The following POU2F2 variants were observed in gnomAD, a reference collection of about 807,000 sequenced individuals.
The protein encoded by POU2F2 is POU domain, class 2, transcription factor 2.
POU2F2 carries 14 observed loss-of-function variants against 63.5 expected under a neutral mutation model. That is an observed-to-expected ratio of 0.22 (90% CI 0.15 to 0.34). The LOEUF (loss-of-function observed/expected upper bound fraction) is 0.34. Ranked by LOEUF, POU2F2 falls within the 10% of genes least tolerant of loss-of-function variation. The pLI is 1.00. For synonymous variants in POU2F2, 306 were observed against 348.6 expected, an observed-to-expected ratio of 0.88 and a Z score of 1.36; for missense variants, 607 against 815.2, an observed-to-expected ratio of 0.74 and a Z score of 3.11.
At chr19:42,129,021 C>T (rs1600152671) in intron 1 of POU2F2, among the ~76,000 whole-genome samples, 1 of 151,962 alleles carries the variant, frequency 6.6e-6, no homozygotes, top group African/African-American at 2.4e-5. Context: ...TTATTAGAGA[C>T]GGGGTTTCAC....
At position 42,094,193 on chromosome 19, in the gene POU2F2, C is replaced by T. The variant is rs992562539; in HGVS notation, c.1198-298G>A. On this transcript the variant is annotated intron_variant, in intron 11 of 14. Coordinates refer to ENST00000692977, the MANE Select transcript of POU2F2 (RefSeq NM_001394376.1). Reference sequence around the variant, plus strand: ...AGTGACTGCACCGGAAGAGTGGCTGCTCCACATGCTCCTGATATTGTTGGT... The same window carrying T: ...AGTGACTGCACCGGAAGAGTGGCTGTTCCACATGCTCCTGATATTGTTGGT... Among the ~76,000 whole-genome samples the T allele has an allele frequency of 6.6e-5, 10 of 152,324 alleles. No individual in the cohort carries two copies. The East Asian group carries it at 1.3e-3, about 21-fold the overall frequency.
Position 42,117,329 on chromosome 19 carries a change from G to C in POU2F2, c.290C>G (p.Ala97Gly). 1 of 1,527,752 alleles carries C rather than the reference G, an allele frequency of 6.5e-7. No individual in the cohort carries two copies. The highest frequency in any genetic ancestry group is 8.7e-7 in the Non-Finnish European group (1 of 1,149,580). The allele number at this position is 1,527,752 out of a possible 1,614,324, so 94.6% of individuals were successfully genotyped here. A position where few individuals can be genotyped will look rare whatever the true frequency, so the allele number is the denominator to read the frequency against. The change falls in exon 5 of 15, where the codon GCA becomes GGA. Residue 97 changes from alanine (A) to glycine (G), a missense_variant. Physicochemically the swap from Ala to Gly is moderately conservative, Grantham distance 60 (BLOSUM62 0). This residue lies in a region of POU2F2 where 224 missense variants were observed against 264.3 expected (regional missense o/e 0.85). Transcript: ENST00000692977. The surrounding 1 kb of genome is among the most constrained non-coding windows in gnomAD (Gnocchi z 4.4). Reference protein sequence around the residue: ...AEDPSGDSAPAAPLPPQPAQP... With the variant: ...AEDPSGDSAPGAPLPPQPAQP... Reference sequence around the variant, plus strand: ...GGCCGGCTGAGGGGGCAGGGGTGCTGCTGGGGCTGAATCGCCACTGGGGTC... The same window carrying C: ...GGCCGGCTGAGGGGGCAGGGGTGCTCCTGGGGCTGAATCGCCACTGGGGTC...
rs2076775401 is a variant in POU2F2, at chr19:42,092,936, G to A, written c.1265-666C>T. Reference sequence around the variant, plus strand: ...GGAGGGGCAACGTGTTGTTTTATGTGTATATATATTATGTGTATATATATT... The same window carrying A: ...GGAGGGGCAACGTGTTGTTTTATGTATATATATATTATGTGTATATATATT... On this transcript the variant is annotated intron_variant, in intron 12 of 14. Coordinates refer to ENST00000692977, the MANE Select transcript of POU2F2 (RefSeq NM_001394376.1). This position sits in a 1 kb window ranked among gnomAD's most constrained non-coding sequence, Gnocchi z 5.0. 6.9e-6 allele frequency among the ~76,000 whole-genome samples: 1 copy of A among 145,532 alleles called. No individual in the cohort carries two copies. Among genetic ancestry groups the A allele is most frequent in the Non-Finnish European group, 1.5e-5 (1 of 66,724 alleles).
At position 42,087,201 on chromosome 19, in the gene POU2F2, A is replaced by T. The variant is rs1599889840; in HGVS notation, c.*4056T>A. On this transcript the variant is annotated 3_prime_UTR_variant, in exon 15 of 15. Coordinates refer to ENST00000692977, the MANE Select transcript of POU2F2 (RefSeq NM_001394376.1). ...TTTCTTTTTTCTCTTGGAGGCCTTT[A>T]TCTCTCGCACTTGCCTTTCCCACTC... 2 of 122,506 alleles carry T rather than the reference A, an allele frequency of 1.6e-5. No homozygotes were observed. Among genetic ancestry groups the T allele is most frequent in the African/African-American group, 3.2e-5 (1 of 31,596 alleles). 7.6% of individuals were successfully genotyped at this position (122,506 alleles called of 1,614,324 possible). A position where few individuals can be genotyped will look rare whatever the true frequency, so the allele number is the denominator to read the frequency against.
chr19:42,134,546 G>A (rs963313669), upstream of POU2F2: 6 of 152,522 alleles, frequency 3.9e-5, no homozygotes, highest in African/African-American at 1.2e-4. Flanking sequence ...GCAGAGTTTG[G>A]AACACACTGG....
rs765607371 is a variant in POU2F2 at position 42,117,393 on chromosome 19, G to A, written c.226C>T (p.Pro76Ser). 1.1e-5 allele frequency: 16 copies of A among 1,488,698 alleles called. No homozygotes were observed. The highest frequency in any genetic ancestry group is 1.5e-5 in the Non-Finnish European group (16 of 1,101,050). 92.2% of individuals were successfully genotyped at this position (1,488,698 alleles called of 1,614,324 possible). Residue 76 changes from proline (P) to serine (S), a missense_variant, in exon 5 of 15, where the codon CCC becomes TCC. Physicochemically the swap from Pro to Ser is moderately conservative, Grantham distance 74 (BLOSUM62 -1). This residue lies in a region of POU2F2 where 224 missense variants were observed against 264.3 expected (regional missense o/e 0.85). Transcript: ENST00000692977. The surrounding 1 kb of genome is among the most constrained non-coding windows in gnomAD (Gnocchi z 4.4). ...TGGGGGGGAGAGAGGCAGGGTCCGG[G>A]ACCCCAGAATGTTAAGTGGAGGCCA... Reference protein sequence around the residue: ...LSGLHLTFWGPGPCLSPPQIK... With the variant: ...LSGLHLTFWGSGPCLSPPQIK...
intron 1 of POU2F2, among the ~76,000 whole-genome samples, chr19:42,130,481 C>A (rs925818954): frequency 2.0e-5 from 3 of 152,108 alleles, no homozygotes; most frequent in African/African-American, 7.2e-5. Flanking sequence ...TCACCCCAGT[C>A]TTCCCACACT....
intron 1 of POU2F2, among the ~76,000 whole-genome samples, chr19:42,174,993 T>C (rs1038080485): frequency 6.6e-5 from 10 of 152,224 alleles, no homozygotes; most frequent in Non-Finnish European, 2.9e-5. Context: ...ATCTTTTACC[T>C]GGACTCAAAA....
At chr19:42,110,127 A>T (rs1429829170) in intron 5 of POU2F2, among the ~76,000 whole-genome samples, 5 of 147,244 alleles carry the variant, frequency 3.4e-5, no homozygotes, top group Non-Finnish European at 7.5e-5. Flanking sequence ...TCCAGATATG[A>T]TGGTACATGC....
intron 1 of POU2F2, among the ~76,000 whole-genome samples, chr19:42,129,685 G>T (rs1237636560): frequency 6.6e-6 from 1 of 152,114 alleles, no homozygotes; most frequent in Non-Finnish European, 1.5e-5. Context: ...GGTGCTGCCG[G>T]GAACCTCTGT....
chr19:42,147,035 C>T (rs1190479718), intron 2 of POU2F2, among the ~76,000 whole-genome samples: 3 of 152,190 alleles, frequency 2.0e-5, no homozygotes, highest in East Asian at 1.9e-4. Context: ...CAGATAGTCT[C>T]GTCTCCCCTT....
intron 1 of POU2F2, among the ~76,000 whole-genome samples, chr19:42,171,677 C>T (rs910035125): frequency 1.3e-5 from 2 of 152,108 alleles, no homozygotes; most frequent in African/African-American, 2.4e-5. Context: ...CTCACTGCGG[C>T]GGATTAAGTC....
Position 42,122,546 on chromosome 19 carries a change from T to C in POU2F2, c.59A>G (p.Glu20Gly). ...TGATGGGGAGTCCAGACCTTGCTTC[T>C]CGGCCTCCAGGGGCTTAGACATTCT... ...EIRMSKPLEAEKQGLDSPSEH... is the reference protein window; with the variant it reads ...EIRMSKPLEAGKQGLDSPSEH... Residue 20 changes from glutamate (E) to glycine (G), a missense_variant, in exon 2 of 15, where the codon GAG (glutamate) becomes GGG (glycine). Transcript: ENST00000692977. The C allele has an allele frequency of 6.2e-7, 1 of 1,604,472 alleles. No homozygotes were observed. The highest frequency in any genetic ancestry group is 8.5e-7 in the Non-Finnish European group (1 of 1,175,550).
At chr19:42,185,669 C>T (rs528173207) in intron 1 of POU2F2, among the ~76,000 whole-genome samples, 1 of 152,262 alleles carries the variant, frequency 6.6e-6, no homozygotes, top group African/African-American at 2.4e-5. Context: ...AACTTAAAAT[C>T]ATATGTTAAT....
At chr19:42,141,359 G>T (rs2034122034) in intron 2 of POU2F2, among the ~76,000 whole-genome samples, 1 of 152,004 alleles carries the variant, frequency 6.6e-6, no homozygotes, top group Non-Finnish European at 1.5e-5. Flanking sequence ...TTGGAATCTG[G>T]TTCCTCCATT....
chr19:42,096,996 A>G lies in POU2F2; in HGVS notation c.568-753T>C, dbSNP rs2076944628. On this transcript the variant is annotated intron_variant, in intron 7 of 14. Coordinates refer to ENST00000692977, the MANE Select transcript of POU2F2 (RefSeq NM_001394376.1). The surrounding 1 kb of genome is among the most constrained non-coding windows in gnomAD (Gnocchi z 4.1). ...GCAATGAGTAGATTGCAAATAAAGT[A>G]AAAGTTAAGAAAAAAAAAAAAGGAC... is the stretch of plus-strand genomic sequence containing the variant. Among the ~76,000 whole-genome samples, 1 of 152,028 alleles carries G rather than the reference A, an allele frequency of 6.6e-6. No individual in the cohort carries two copies. Among genetic ancestry groups the G allele is most frequent in the Non-Finnish European group, 1.5e-5 (1 of 67,990 alleles).
chr19:42,103,144 AC>A (rs892025414), intron 5 of POU2F2, among the ~76,000 whole-genome samples: 1 of 150,444 alleles, frequency 6.6e-6, no homozygotes, highest in African/African-American at 2.5e-5. Context: ...ACACAAAGTC[AC>A]CCTCTCAGAG....
At chr19:42,157,878 G>A (rs2146782634) in intron 2 of POU2F2, among the ~76,000 whole-genome samples, 1 of 152,166 alleles carries the variant, frequency 6.6e-6, no homozygotes, top group East Asian at 1.9e-4. Context: ...GGAGGAGGGG[G>A]AGTCACACGG....
At chr19:42,106,787 AGAG>A (rs1488119802) in intron 5 of POU2F2, among the ~76,000 whole-genome samples, 23 of 133,656 alleles carry the variant, frequency 1.7e-4, no homozygotes, top group South Asian at 1.5e-3. Context: ...AGAAGGAGGA[AGAG>A]GAGGAGGAGG....
Sources: gnomAD v4.1 joint callset for allele counts (sites outside exome capture counted in the v4.1 genomes callset) on GRCh38, gnomAD v4.1.1 for gene constraint, gnomAD v4.1.1 regional missense constraint, Gnocchi (gnomAD v3.1) non-coding constraint, MANE v1.5 for transcripts, NCBI Gene and HGNC (gene_info 2026-07-23, HGNC 2026-07-21) for gene names.